The following PABPC4L variants were observed in gnomAD, a reference collection of about 807,000 sequenced individuals.
PABPC4L encodes poly(A) binding protein cytoplasmic 4 like, also known as polyadenylate-binding protein 4-like.
For missense variants in PABPC4L, 452 were observed against 451.4 expected (o/e 1.00, Z -0.01); for synonymous variants, 169 against 164.1 (o/e 1.03, Z -0.23).
At chr4:134,016,690 G>C in the PABPC4L span, among the ~76,000 whole-genome samples, 1 of 152,064 alleles carries the variant, frequency 6.6e-6, no homozygotes, top group African/African-American at 2.4e-5. Flanking sequence ...ATTCTATTCT[G>C]TCGTCATTTC....
chr4:134,147,681 T>C, the PABPC4L span, among the ~76,000 whole-genome samples: 24 of 151,936 alleles, frequency 1.6e-4, no homozygotes, highest in South Asian at 6.2e-4. Context: ...AACATGAGGA[T>C]TTAGGAATTA....
chr4:134,185,281 A>C, the PABPC4L span, among the ~76,000 whole-genome samples: 1 of 152,246 alleles, frequency 6.6e-6, no homozygotes, highest in Non-Finnish European at 1.5e-5. Context: ...CAATGCAAAA[A>C]TCCTCAATAA....
chr4:133,963,477 C>T, the PABPC4L span, among the ~76,000 whole-genome samples: 3 of 152,052 alleles, frequency 2.0e-5, no homozygotes, highest in Admixed American at 6.5e-5. Context: ...TAAAATATAC[C>T]TTGGAATGAA....
chr4:134,058,132 TA>T, the PABPC4L span, among the ~76,000 whole-genome samples: 1 of 151,988 alleles, frequency 6.6e-6, no homozygotes, highest in African/African-American at 2.4e-5. Context: ...ATTTGAAAAC[TA>T]TGTGCATATC....
chr4:134,150,575 T>A, the PABPC4L span, among the ~76,000 whole-genome samples: 1 of 152,128 alleles, frequency 6.6e-6, no homozygotes, highest in Admixed American at 6.6e-5. Flanking sequence ...TCCTACTTTG[T>A]GGGTGTATGA....
chr4:134,079,597 A>C, the PABPC4L span, among the ~76,000 whole-genome samples: 2 of 88,032 alleles, frequency 2.3e-5, no homozygotes, highest in African/African-American at 9.5e-5. Context: ...AAAAAAAAAA[A>C]AAAAAAAAAA....
At chr4:134,169,551 C>T in the PABPC4L span, among the ~76,000 whole-genome samples, 10 of 151,992 alleles carry the variant, frequency 6.6e-5, no homozygotes, top group Non-Finnish European at 1.0e-4. Flanking sequence ...CCTCAAGACT[C>T]CATCAAAAAA....
the PABPC4L span, among the ~76,000 whole-genome samples, chr4:134,011,213 A>G: frequency 6.6e-6 from 1 of 152,226 alleles, no homozygotes; most frequent in South Asian, 2.1e-4. Flanking sequence ...AAATTCCCCA[A>G]ATACCTTTAC....
the PABPC4L span, among the ~76,000 whole-genome samples, chr4:134,015,563 T>C: frequency 3.9e-5 from 6 of 152,134 alleles, no homozygotes; most frequent in East Asian, 3.9e-4. Flanking sequence ...TTACTTCAGT[T>C]AAGCCCAAAT....
chr4:133,950,691 G>C, the PABPC4L span, among the ~76,000 whole-genome samples: 1 of 152,156 alleles, frequency 6.6e-6, no homozygotes, highest in Non-Finnish European at 1.5e-5. Flanking sequence ...CTACCTTAGA[G>C]ATATCTGGAA....
chr4:134,129,432 C>T, the PABPC4L span, among the ~76,000 whole-genome samples: 1 of 152,028 alleles, frequency 6.6e-6, no homozygotes, highest in African/African-American at 2.4e-5. Context: ...GGCCACAAAA[C>T]AGTCTCAACA....
chr4:134,009,664 A>C, the PABPC4L span, among the ~76,000 whole-genome samples: 4 of 152,100 alleles, frequency 2.6e-5, no homozygotes, highest in East Asian at 7.7e-4. Context: ...TCAACCACAA[A>C]AAACTTACCA....
the PABPC4L span, among the ~76,000 whole-genome samples, chr4:133,949,493 C>T: frequency 5.9e-5 from 9 of 152,184 alleles, no homozygotes; most frequent in Non-Finnish European, 1.2e-4. Flanking sequence ...GGGGCTCTCT[C>T]ATAGTTCCCT....
chr4:134,075,169 A>G, the PABPC4L span, among the ~76,000 whole-genome samples: 1 of 152,178 alleles, frequency 6.6e-6, no homozygotes. Context: ...GGTTTTGAGT[A>G]GATAGTCCAA....
the PABPC4L span, among the ~76,000 whole-genome samples, chr4:133,957,300 A>G: frequency 6.6e-6 from 1 of 152,082 alleles, no homozygotes; most frequent in Non-Finnish European, 1.5e-5. Context: ...GCTAGTCCGA[A>G]ATCTAGTGGG....
chr4:134,086,396 A>G, the PABPC4L span, among the ~76,000 whole-genome samples: 2 of 152,110 alleles, frequency 1.3e-5, no homozygotes, highest in African/African-American at 4.8e-5. Flanking sequence ...TGGATGCATC[A>G]TCTACTCTCT....
the PABPC4L span, among the ~76,000 whole-genome samples, chr4:134,032,009 AAT>A: frequency 6.6e-6 from 1 of 151,996 alleles, no homozygotes; most frequent in African/African-American, 2.4e-5. Flanking sequence ...GTTTATTCAT[AAT>A]ATCTTATATT....
At chr4:134,158,738 A>G in the PABPC4L span, among the ~76,000 whole-genome samples, 41 of 152,218 alleles carry the variant, frequency 2.7e-4, no homozygotes, top group Middle Eastern at 3.4e-3. Flanking sequence ...TTTACTATGT[A>G]CCAGAATATA....
chr4:134,123,201 A>G, the PABPC4L span, among the ~76,000 whole-genome samples: 2 of 151,892 alleles, frequency 1.3e-5, no homozygotes, highest in African/African-American at 4.8e-5. Context: ...CAGCACTATC[A>G]CTCATGCCTG....
Sources: gnomAD v4.1 joint callset for allele counts (sites outside exome capture counted in the v4.1 genomes callset) on GRCh38, gnomAD v4.1.1 for gene constraint, MANE v1.5 for transcripts, NCBI Gene and HGNC (gene_info 2026-07-23, HGNC 2026-07-21) for gene names.